Variants in STAT5B observed in about 807,000 individuals in gnomAD.
The protein encoded by STAT5B is signal transducer and activator of transcription 5B.
Under a neutral mutation model 107.8 loss-of-function variants are expected in STAT5B, and 21 were observed. The ratio of observed to expected loss-of-function variants is 0.19; its 90% CI spans 0.14 to 0.28. STAT5B has a LOEUF of 0.28. STAT5B is among the 10% of genes least tolerant of loss of function. The pLI is 1.00. For missense variants in STAT5B, 565 were observed against 1,008.2 expected (o/e 0.56, Z 5.95); for synonymous variants, 325 against 401.7 (o/e 0.81, Z 2.28).
chr17:42,243,212 T>C (rs2080420549), intron 1 of STAT5B, among the ~76,000 whole-genome samples: 1 of 151,900 alleles, frequency 6.6e-6, no homozygotes, highest in Non-Finnish European at 1.5e-5. Flanking sequence ...AAAAATTAGT[T>C]GGGCGTGGTG....
In STAT5B at chr17:42,207,651, C is replaced by A; in HGVS notation, c.1984G>T (p.Asp662Tyr). The A allele has an allele frequency of 6.2e-7, 1 of 1,614,140 alleles. No homozygotes were observed. The highest frequency in any genetic ancestry group is 8.5e-7 in the Non-Finnish European group (1 of 1,180,024). The change falls in exon 16 of 19, where the codon GAC becomes TAC. Residue 662 changes from aspartate to tyrosine, a missense_variant. Asp to Tyr is a radical substitution (Grantham distance 160). This residue lies in a region of STAT5B where 38 missense variants were observed against 79.5 expected (regional missense o/e 0.48). Coordinates refer to ENST00000293328, the MANE Select transcript of STAT5B (RefSeq NM_012448.4). The part of the protein sequence containing the change: ...SIRSLADRLG[D>Y]LNYLIYVFPD... ...AACACGTAGATAAGGTAATTCAAGT[C>A]TCCCAAGCGGTCGGCTAGGGACCGA... is the stretch of plus-strand genomic sequence containing the variant.
At chr17:42,262,904 ATGTGT>A (rs2080620242) in intron 1 of STAT5B, among the ~76,000 whole-genome samples, 9 of 120,704 alleles carry the variant, frequency 7.5e-5, no homozygotes, top group Admixed American at 1.7e-4. Flanking sequence ...GTGTATATAT[ATGTGT>A]ATATATATGT....
chr17:42,227,702 A>G lies in STAT5B; in HGVS notation c.129-17T>C. 12 of 1,613,726 alleles carry G rather than the reference A, an allele frequency of 7.4e-6. No homozygotes were observed. Among genetic ancestry groups the G allele is most frequent in the Non-Finnish European group, 1.0e-5 (12 of 1,179,838 alleles). ...ACTGAGTCCCTAGGGGAAAAAAATTACATAATCTGTATACATACATGCACG... is the reference window on the plus strand; with the variant it reads ...ACTGAGTCCCTAGGGGAAAAAAATTGCATAATCTGTATACATACATGCACG... On this transcript the variant is annotated splice_polypyrimidine_tract_variant and intron_variant, in intron 2 of 18. Coordinates refer to ENST00000293328, the MANE Select transcript of STAT5B (RefSeq NM_012448.4).
intron 1 of STAT5B, among the ~76,000 whole-genome samples, chr17:42,262,861 T>C (rs1337077478): frequency 2.1e-4 from 22 of 106,056 alleles, no homozygotes; most frequent in East Asian, 5.5e-4. Context: ...TATACACACA[T>C]ATATGTGTGT....
intron 1 of STAT5B, among the ~76,000 whole-genome samples, chr17:42,244,363 T>C (rs376884144): frequency 2.7e-4 from 41 of 151,660 alleles, no homozygotes; most frequent in East Asian, 9.7e-4. Context: ...AGTGCTGGGA[T>C]GACAAGTGTG....
At chr17:42,252,529 C>T (rs1354809257) in intron 1 of STAT5B, among the ~76,000 whole-genome samples, 1 of 152,032 alleles carries the variant, frequency 6.6e-6, no homozygotes, top group East Asian at 1.9e-4. Context: ...GTATTGAATA[C>T]AATTTTTATA....
chr17:42,244,892 A>T (rs1180649294), intron 1 of STAT5B, among the ~76,000 whole-genome samples: 1 of 151,992 alleles, frequency 6.6e-6, no homozygotes, highest in Non-Finnish European at 1.5e-5. Context: ...CGCATTTTTA[A>T]ATTTTTATTT....
rs2080028409 is a variant in STAT5B, at chr17:42,199,635, G to A, written c.*2103C>T. On this transcript the variant is annotated 3_prime_UTR_variant, in exon 19 of 19. Coordinates refer to ENST00000293328, the MANE Select transcript of STAT5B (RefSeq NM_012448.4). ...TTTCATCAAAAATCTCCACTCTCTA[G>A]GCACAGCCTCGGTAACACCGAGGAC... 6.6e-6 allele frequency: 1 copy of A among 152,334 alleles called. No homozygotes were observed. The highest frequency in any genetic ancestry group is 1.5e-5 in the Non-Finnish European group (1 of 68,062). 9.4% of individuals were successfully genotyped at this position (152,334 alleles called of 1,614,324 possible).
At chr17:42,202,836 A>C (rs772384696) in intron 16 of STAT5B, 28 bp from the exon 17 acceptor site, 1 of 1,614,212 alleles carries the variant, frequency 6.2e-7, no homozygotes, top group South Asian at 1.1e-5. Context: ...TAGTAAATCA[A>C]AGTTCTCAAG....
At chr17:42,274,339 G>C (rs548315796) in intron 1 of STAT5B, among the ~76,000 whole-genome samples, 2 of 148,926 alleles carry the variant, frequency 1.3e-5, no homozygotes, top group East Asian at 3.9e-4. Flanking sequence ...TCTCAATCTG[G>C]AGCTTGAAAT....
intron 5 of STAT5B, among the ~76,000 whole-genome samples, chr17:42,222,179 G>T (rs1376781222): frequency 1.3e-5 from 2 of 150,952 alleles, no homozygotes; most frequent in Non-Finnish European, 3.0e-5. Context: ...GTGTGTGTGT[G>T]TGCTGTGTTG....
intron 3 of STAT5B, 49 bp downstream of exon 3, chr17:42,227,480 A>G (rs764593347): frequency 1.2e-6 from 2 of 1,611,644 alleles, no homozygotes; most frequent in East Asian, 2.2e-5. Context: ...TACAGGAAGA[A>G]GACCCCCAAG....
intron 5 of STAT5B, among the ~76,000 whole-genome samples, 195 bp downstream of exon 5, chr17:42,223,186 GC>G (rs201887730): frequency 0.014 from 2,110 of 152,090 alleles, 42 homozygotes; most frequent in African/African-American, 0.049. Context: ...ATGCACTTAA[GC>G]GGGGGGTCCT....
At position 42,238,266 on chromosome 17, in the gene STAT5B, T is replaced by C. The variant is rs144715585; in HGVS notation, c.-10-6129A>G. On this transcript the variant is annotated intron_variant, in intron 1 of 18. Coordinates refer to ENST00000293328, the MANE Select transcript of STAT5B (RefSeq NM_012448.4). ...CTCCTACCTCAGCCACCCAAGTAGC[T>C]AGGACTGTGGGCACATGCCATCACA... Among the ~76,000 whole-genome samples the C allele has an allele frequency of 1.4e-3, 205 of 151,380 alleles. 2 individuals are homozygous for C. Among genetic ancestry groups the C allele is most frequent in the East Asian group, 3.7e-3 (19 of 5,140 alleles).
At chr17:42,282,262 G>A in the STAT5B span, among the ~76,000 whole-genome samples, 1 of 152,120 alleles carries the variant, frequency 6.6e-6, no homozygotes, top group Non-Finnish European at 1.5e-5. Flanking sequence ...GAAGGGCAGA[G>A]GAAAAAACAC....
Position 42,218,735 on chromosome 17 carries a change from G to A in STAT5B, c.977C>T (p.Ala326Val). The A allele has an allele frequency of 1.2e-6, 2 of 1,612,414 alleles. No individual in the cohort carries two copies. Among genetic ancestry groups the A allele is most frequent in the Non-Finnish European group, 1.7e-6 (2 of 1,179,260 alleles). Residue 326 changes from alanine (A) to valine (V), a missense_variant, in exon 8 of 19, where the codon GCC becomes GTC. By Grantham distance (64) the Ala-to-Val change is moderately conservative (BLOSUM62 0). Around this residue, in one of 11 missense-constraint regions of STAT5B, gnomAD observed 48 missense variants for 106.5 expected, o/e 0.45. Coordinates refer to ENST00000293328, the MANE Select transcript of STAT5B (RefSeq NM_012448.4). ...AGGCAGCAGTCACCTGGTCACCAGG[G>A]CTGAGATAATGTCCGTGATGGTGGC... ...VNATITDIIS[A>V]LVTSTFIIEK...
chr17:42,266,787 G>A (rs931649467), intron 1 of STAT5B, among the ~76,000 whole-genome samples: 2 of 152,100 alleles, frequency 1.3e-5, no homozygotes, highest in African/African-American at 4.8e-5. Context: ...CATGTGAATT[G>A]TAGCCATGCC....
chr17:42,224,714 G>C, intron 4 of STAT5B, 65 bp downstream of exon 4: 1 of 1,527,302 alleles, frequency 6.5e-7, no homozygotes, highest in South Asian at 1.1e-5. Context: ...ACAAAGGTGG[G>C]TCCAGAGGGA....
Position 42,210,300 on chromosome 17 carries a change from C to T in STAT5B, c.1777G>A (p.Ala593Thr). Reference sequence around the variant, plus strand: ...TGCTTGTTTACAAACCCCAAAATGGCCCTGGATCACCAAGGACAAAGGACA... The same window carrying T: ...TGCTTGTTTACAAACCCCAAAATGGTCCTGGATCACCAAGGACAAAGGACA... ...KHLKPHWNDG[A>T]ILGFVNKQQA... The change falls in exon 15 of 19, where the codon GCC (alanine) becomes ACC (threonine). Residue 593 changes from alanine to threonine, a missense_variant and splice_region_variant. Transcript: ENST00000293328. 1 of 1,614,134 alleles carries T rather than the reference C, an allele frequency of 6.2e-7. No individual in the cohort carries two copies. Among genetic ancestry groups the T allele is most frequent in the Non-Finnish European group, 8.5e-7 (1 of 1,180,030 alleles).
Sources: gnomAD v4.1 joint callset for allele counts (sites outside exome capture counted in the v4.1 genomes callset) on GRCh38, gnomAD v4.1.1 for gene constraint, gnomAD v4.1.1 regional missense constraint, MANE v1.5 for transcripts, NCBI Gene and HGNC (gene_info 2026-07-23, HGNC 2026-07-21) for gene names.